Variants in LINGO2 observed in about 807,000 individuals in gnomAD.
LINGO2 encodes leucine-rich repeat and immunoglobulin-like domain-containing nogo receptor-interacting protein 2.
In LINGO2, 14 loss-of-function variants were observed where a neutral mutation model predicts 30.6. The ratio of observed to expected loss-of-function variants is 0.46; its 90% CI spans 0.30 to 0.72. The LOEUF is 0.72. LINGO2 is among the 30% of genes least tolerant of loss of function. LINGO2 has a pLI of 0.07. For missense variants in LINGO2, 729 were observed against 751.7 expected (o/e 0.97, Z 0.35); for synonymous variants, 317 against 288.5 (o/e 1.10, Z -1.00).
the LINGO2 span, among the ~76,000 whole-genome samples, chr9:29,210,100 A>G: frequency 1.3e-5 from 2 of 152,120 alleles, no homozygotes; most frequent in Non-Finnish European, 2.9e-5. Context: ...ACTTCCTATC[A>G]CTTCTTATTC....
At chr9:29,024,697 T>C in the LINGO2 span, among the ~76,000 whole-genome samples, 2 of 152,240 alleles carry the variant, frequency 1.3e-5, no homozygotes, top group South Asian at 4.1e-4. Context: ...CAGAGTGATA[T>C]TGAAATGTGT....
chr9:28,664,903 T>C (rs1828732647), intron 1 of LINGO2, among the ~76,000 whole-genome samples: 3 of 150,818 alleles, frequency 2.0e-5, no homozygotes, highest in Admixed American at 6.6e-5. Flanking sequence ...CACATATTTT[T>C]GTTATTAACG....
At chr9:28,307,586 T>C (rs944964718) in intron 3 of LINGO2, among the ~76,000 whole-genome samples, 1 of 152,088 alleles carries the variant, frequency 6.6e-6, no homozygotes, top group Non-Finnish European at 1.5e-5. Flanking sequence ...CCAGGGCAAT[T>C]AGGCAGGAGA....
intron 4 of LINGO2, among the ~76,000 whole-genome samples, chr9:28,265,052 T>C (rs1173836763): frequency 1.3e-5 from 2 of 151,922 alleles, no homozygotes; most frequent in East Asian, 3.9e-4. Context: ...TATCAAATCC[T>C]GGCAAAGTTT....
intron 4 of LINGO2, among the ~76,000 whole-genome samples, chr9:28,032,286 G>T (rs1405949850): frequency 6.6e-6 from 1 of 152,088 alleles, no homozygotes; most frequent in Non-Finnish European, 1.5e-5. Flanking sequence ...GGAAGCATTT[G>T]TTGCTCTATT....
intron 4 of LINGO2, among the ~76,000 whole-genome samples, chr9:28,021,712 G>A (rs1332921046): frequency 1.3e-5 from 2 of 152,010 alleles, no homozygotes; most frequent in Non-Finnish European, 2.9e-5. Flanking sequence ...TGTACTCTTG[G>A]AGAACTGACC....
intron 4 of LINGO2, among the ~76,000 whole-genome samples, chr9:28,251,235 T>C (rs922819394): frequency 6.6e-6 from 1 of 151,960 alleles, no homozygotes; most frequent in African/African-American, 2.4e-5. Flanking sequence ...CTCAGGAACC[T>C]TTTTTTCCCA....
At chr9:28,233,668 A>G (rs1821454564) in intron 4 of LINGO2, among the ~76,000 whole-genome samples, 1 of 152,202 alleles carries the variant, frequency 6.6e-6, no homozygotes, top group Admixed American at 6.5e-5. Context: ...TCATAGCAAC[A>G]AAAGTGATTA....
the LINGO2 span, among the ~76,000 whole-genome samples, chr9:28,781,488 A>G: frequency 2.6e-5 from 4 of 152,172 alleles, no homozygotes. Context: ...CAAAATCATT[A>G]ATTTTCCAGC....
At chr9:28,531,389 A>G (rs1032118732) in intron 1 of LINGO2, among the ~76,000 whole-genome samples, 15 of 151,984 alleles carry the variant, frequency 9.9e-5, no homozygotes, top group African/African-American at 3.6e-4. Context: ...ACACTATAAC[A>G]TTCCATTATG....
the LINGO2 span, among the ~76,000 whole-genome samples, chr9:28,946,204 T>G: frequency 2.0e-5 from 3 of 152,160 alleles, no homozygotes; most frequent in African/African-American, 7.2e-5. Context: ...AAAAGATGTT[T>G]AGTAACTTGA....
the LINGO2 span, among the ~76,000 whole-genome samples, chr9:28,911,547 C>T: frequency 6.6e-6 from 1 of 151,912 alleles, no homozygotes; most frequent in Non-Finnish European, 1.5e-5. Flanking sequence ...ATGAAATTCT[C>T]CTTGATCATT....
chr9:28,718,751 A>T, the LINGO2 span, among the ~76,000 whole-genome samples: 1 of 151,928 alleles, frequency 6.6e-6, no homozygotes, highest in Non-Finnish European at 1.5e-5. Context: ...TTTTTCCTTT[A>T]TTCTTTGCTC....
At position 28,540,476 on chromosome 9, in the gene LINGO2, G is replaced by T. The variant is rs1340591134; in HGVS notation, c.-364-64451C>A. ...AGGGTTTCATTATGTTGGCTAGGCT[G>T]GGCTCGAATTCCTGACTTCAAGGTA... On this transcript the variant is annotated intron_variant, in intron 1 of 5. Coordinates refer to ENST00000379992, the Ensembl canonical transcript of LINGO2. 2.0e-5 allele frequency among the ~76,000 whole-genome samples: 3 copies of T among 152,122 alleles called. No individual in the cohort carries two copies. In the East Asian group the frequency reaches 5.8e-4, roughly 29 times the overall value.
the LINGO2 span, among the ~76,000 whole-genome samples, chr9:29,182,001 T>C: frequency 2.6e-5 from 4 of 152,312 alleles, no homozygotes; most frequent in Admixed American, 6.5e-5. Flanking sequence ...TGGAGCTGCA[T>C]AGTACACAGC....
chr9:28,790,260 T>A, the LINGO2 span, among the ~76,000 whole-genome samples: 2 of 151,792 alleles, frequency 1.3e-5, no homozygotes, highest in Admixed American at 1.3e-4. Flanking sequence ...AATAGTAGTC[T>A]AATGCTACCT....
At chr9:28,407,820 C>T (rs139894055) in intron 2 of LINGO2, among the ~76,000 whole-genome samples, 223 of 152,202 alleles carry the variant, frequency 1.5e-3, no homozygotes, top group Admixed American at 3.6e-3. Flanking sequence ...TCAGTCTTAT[C>T]CATAAATCTT....
the LINGO2 span, among the ~76,000 whole-genome samples, chr9:29,172,767 A>G: frequency 6.6e-6 from 1 of 151,916 alleles, no homozygotes; most frequent in Non-Finnish European, 1.5e-5. Context: ...AAAAAAAAAT[A>G]AAAGATCCAT....
At chr9:28,177,482 C>A (rs1037290053) in intron 4 of LINGO2, among the ~76,000 whole-genome samples, 1 of 152,180 alleles carries the variant, frequency 6.6e-6, no homozygotes, top group African/African-American at 2.4e-5. Context: ...CAATCCACCA[C>A]TAACCTGCAT....
Sources: gnomAD v4.1 joint callset for allele counts (sites outside exome capture counted in the v4.1 genomes callset) on GRCh38, gnomAD v4.1.1 for gene constraint, MANE v1.5 for transcripts, NCBI Gene and HGNC (gene_info 2026-07-23, HGNC 2026-07-21) for gene names.